NME5: variants seen among roughly 807,000 people sequenced by gnomAD.
The protein encoded by NME5 is nucleoside diphosphate kinase 5.
NME5 carries 18 observed loss-of-function variants against 21.6 expected under a neutral mutation model. The ratio of observed to expected loss-of-function variants is 0.83; its 90% CI spans 0.58 to 1.24. The LOEUF (loss-of-function observed/expected upper bound fraction) is 1.24, where lower values mean the gene tolerates loss of function less well. Among genes scored for constraint, NME5 ranks in the 50% most tolerant of loss-of-function variants. The pLI, the probability that NME5 is intolerant of heterozygous loss-of-function variation, is 0.00. For missense variants in NME5, 223 were observed against 255.4 expected, an observed-to-expected ratio of 0.87 and a Z score of 0.86; for synonymous variants, 70 against 80.6, an observed-to-expected ratio of 0.87 and a Z score of 0.71.
intron 4 of NME5, among the ~76,000 whole-genome samples, chr5:138,128,158 A>G (rs1352202298): frequency 6.6e-6 from 1 of 152,184 alleles, no homozygotes; most frequent in Admixed American, 6.5e-5. Context: ...TGAGGCTGCA[A>G]TGAATCAAGA....
At chr5:138,125,750 G>A (rs549193688) in intron 4 of NME5, among the ~76,000 whole-genome samples, 2 of 152,178 alleles carry the variant, frequency 1.3e-5, no homozygotes, top group African/African-American at 4.8e-5. Context: ...GAGTAGCTGA[G>A]ATTACAAGCG....
At chr5:138,122,594 A>G (rs988620663) in intron 4 of NME5, among the ~76,000 whole-genome samples, 3 of 151,790 alleles carry the variant, frequency 2.0e-5, no homozygotes, top group Non-Finnish European at 4.4e-5. Context: ...TTTTTTCTCA[A>G]TATGGGCAAA....
rs1376507073 is a variant in NME5, at chr5:138,118,927, T to A, written c.446A>T (p.Glu149Val). 6.4e-7 allele frequency: 1 copy of A among 1,572,152 alleles called. No individual in the cohort carries two copies. Among genetic ancestry groups the A allele is most frequent in the South Asian group, 1.1e-5 (1 of 90,158 alleles). ...AGCAGCTTGTCCAATTGGAATGGGC[T>A]CAACAATCACTGCAAATACAAATGT... ...IRFMFPEVIV[E>V]PIPIGQAAKD... The change falls in exon 5 of 6, where the codon GAG (glutamate) becomes GTG (valine). Residue 149 changes from glutamate to valine, a missense_variant. By Grantham distance (121) the Glu-to-Val change is moderately radical (BLOSUM62 -2). Transcript: ENST00000265191.
Position 138,131,853 on chromosome 5 carries a change from C to T in NME5, c.130-2385G>A, listed in dbSNP as rs147975914. On this transcript the variant is annotated intron_variant, in intron 2 of 5. Coordinates refer to ENST00000265191, the MANE Select transcript of NME5 (RefSeq NM_003551.3). The stretch of plus-strand genomic sequence containing the variant: ...CCACTTCCTGGATTCAAGTGATTCT[C>T]CTGCCGCAGCCTCCTGAGTAGCTGG... Among the ~76,000 whole-genome samples, 357 of 152,004 alleles carry T rather than the reference C, an allele frequency of 2.3e-3. 3 individuals are homozygous for T. The highest frequency in any genetic ancestry group is 7.6e-3 in the African/African-American group (315 of 41,484).
intron 2 of NME5, among the ~76,000 whole-genome samples, chr5:138,131,516 T>C (rs538879580): frequency 1.0e-4 from 15 of 150,626 alleles, no homozygotes; most frequent in Non-Finnish European, 1.8e-4. Context: ...GATAGCACCA[T>C]TGCACTCCAG....
intron 4 of NME5, among the ~76,000 whole-genome samples, chr5:138,126,114 T>G (rs955772175): frequency 6.6e-6 from 1 of 152,224 alleles, no homozygotes; most frequent in East Asian, 1.9e-4. Flanking sequence ...AATGATTTTA[T>G]ATTTATCCTA....
In NME5 at chr5:138,115,622, A is replaced by C. The variant is rs898923980; in HGVS notation, c.*59T>G. The C allele has an allele frequency of 9.7e-7, 1 of 1,031,816 alleles. No homozygotes were observed. Among genetic ancestry groups the C allele is most frequent in the African/African-American group, 1.6e-5 (1 of 61,890 alleles). The allele number at this position is 1,031,816 out of a possible 1,614,324, so 63.9% of individuals were successfully genotyped here. A position where few individuals can be genotyped will look rare whatever the true frequency, so the allele number is the denominator to read the frequency against. ...CCTAGAAATAATTTTTTCAAACAGT[A>C]GAAGTACAGCCTTTTATAATAAGAT... On this transcript the variant is annotated 3_prime_UTR_variant, in exon 6 of 6. Coordinates refer to ENST00000265191, the MANE Select transcript of NME5 (RefSeq NM_003551.3).
chr5:138,128,035 G>A (rs1751462240), intron 4 of NME5, among the ~76,000 whole-genome samples: 1 of 152,076 alleles, frequency 6.6e-6, no homozygotes, highest in South Asian at 2.1e-4. Flanking sequence ...GCAATACGGA[G>A]AGACCCCATC....
At chr5:138,134,011 G>A (rs1751633246) in intron 2 of NME5, among the ~76,000 whole-genome samples, 1 of 152,136 alleles carries the variant, frequency 6.6e-6, no homozygotes, top group Non-Finnish European at 1.5e-5. Context: ...CGCAATTAAA[G>A]CAAAAAATGA....
chr5:138,138,613 G>C, intron 2 of NME5, 39 bp downstream of exon 2: 2 of 1,580,532 alleles, frequency 1.3e-6, no homozygotes, highest in Non-Finnish European at 1.7e-6. Context: ...TTTAAGGGCA[G>C]AGAGGAAAAA....
chr5:138,131,029 G>A (rs1751552721), intron 2 of NME5, among the ~76,000 whole-genome samples: 1 of 151,194 alleles, frequency 6.6e-6, no homozygotes, highest in Admixed American at 6.6e-5. Flanking sequence ...TCAGGAGTTT[G>A]AGACCAGCCT....
chr5:138,123,427 G>GT, intron 4 of NME5, among the ~76,000 whole-genome samples: 1 of 151,994 alleles, frequency 6.6e-6, no homozygotes, highest in East Asian at 1.9e-4. Flanking sequence ...CCGAGTTCAA[G>GT]TTTTTTTAGA....
chr5:138,132,227 G>A (rs554535918), intron 2 of NME5, among the ~76,000 whole-genome samples: 1 of 152,200 alleles, frequency 6.6e-6, no homozygotes, highest in African/African-American at 2.4e-5. Flanking sequence ...GTGCACACCT[G>A]TAGTCTCAGT....
At chr5:138,118,664 T>C (rs1372611108) in intron 5 of NME5, among the ~76,000 whole-genome samples, 154 bp downstream of exon 5, 2 of 151,802 alleles carry the variant, frequency 1.3e-5, no homozygotes, top group Non-Finnish European at 2.9e-5. Flanking sequence ...TTTGTATTTT[T>C]AGTACAGACG....
In NME5 at chr5:138,115,381, GTA is replaced by G. The variant is rs1581372723; in HGVS notation, c.*298_*299del. The G allele has an allele frequency of 2.0e-5, 4 of 198,212 alleles. No individual in the cohort carries two copies. In the East Asian group the frequency reaches 5.0e-4, roughly 25 times the overall value. 12.3% of individuals were successfully genotyped at this position (198,212 alleles called of 1,614,324 possible). A position where few individuals can be genotyped will look rare whatever the true frequency, so the allele number is the denominator to read the frequency against. On this transcript the variant is annotated 3_prime_UTR_variant, in exon 6 of 6. Coordinates refer to ENST00000265191, the MANE Select transcript of NME5 (RefSeq NM_003551.3). Reference sequence around the variant, plus strand: ...ATATAGGATATGTGCTTGGGAAAATGTATAACTAAACTTTATGTCTTACTTCT... The same window carrying G: ...ATATAGGATATGTGCTTGGGAAAATGTAACTAAACTTTATGTCTTACTTCT...
Position 138,115,626 on chromosome 5 carries a change from G to T in NME5, c.*55C>A. ...GAAATAATTTTTTCAAACAGTAGAA[G>T]TACAGCCTTTTATAATAAGATAGTT... On this transcript the variant is annotated 3_prime_UTR_variant, in exon 6 of 6. Coordinates refer to ENST00000265191, the MANE Select transcript of NME5 (RefSeq NM_003551.3). 1 of 1,100,902 alleles carries T rather than the reference G, an allele frequency of 9.1e-7. No individual in the cohort carries two copies. Among genetic ancestry groups the T allele is most frequent in the Non-Finnish European group, 1.3e-6 (1 of 770,358 alleles). The allele number at this position is 1,100,902 out of a possible 1,614,324, so 68.2% of individuals were successfully genotyped here.
chr5:138,125,786 G>C (rs530438343), intron 4 of NME5, among the ~76,000 whole-genome samples: 7 of 152,138 alleles, frequency 4.6e-5, no homozygotes, highest in Non-Finnish European at 8.8e-5. Context: ...GGCTAATTTT[G>C]TATTTTTAGT....
Position 138,129,467 on chromosome 5 carries a change from C to T in NME5, c.131G>A (p.Arg44Lys). ...CTCAGGGCTGAGGCGTAGTTTTCTT[C>T]TCTATAAAAGACACAAAGTCAACAA... is the stretch of plus-strand genomic sequence containing the variant. ...ILRSGFTIVQRRKLRLSPEQC... is the reference protein window; with the variant it reads ...ILRSGFTIVQKRKLRLSPEQC... The change falls in exon 3 of 6, where the codon AGA (arginine) becomes AAA (lysine). Residue 44 changes from arginine (R) to lysine (K), a missense_variant and splice_region_variant. Physicochemically the swap from Arg to Lys is conservative, Grantham distance 26. Transcript: ENST00000265191. The T allele has an allele frequency of 6.2e-7, 1 of 1,612,090 alleles. No individual in the cohort carries two copies.
intron 4 of NME5, chr5:138,123,216 T>G (rs948340261): frequency 6.6e-6 from 1 of 152,214 alleles, no homozygotes; most frequent in Non-Finnish European, 1.5e-5. Context: ...AATTAATATA[T>G]GCATTACCTC....
Sources: allele counts gnomAD v4.1 joint callset (sites outside exome capture counted in the v4.1 genomes callset), GRCh38; gene constraint gnomAD v4.1.1; transcripts MANE v1.5; gene names NCBI Gene and HGNC (gene_info 2026-07-23, HGNC 2026-07-21).